The following LOXL2 variants were observed in gnomAD, a reference collection of about 807,000 sequenced individuals.
LOXL2 encodes the protein lysyl oxidase homolog 2.
In LOXL2, 70 loss-of-function variants were observed where a neutral mutation model predicts 93.0. The ratio of observed to expected loss-of-function variants is 0.75; its 90% CI spans 0.62 to 0.92. LOXL2 has a LOEUF of 0.92. LOXL2 is among the 40% of genes least tolerant of loss of function. The pLI is 0.00. For missense variants in LOXL2, 973 were observed against 1,054.9 expected, an observed-to-expected ratio of 0.92 and a Z score of 1.08; for synonymous variants, 438 against 413.2, an observed-to-expected ratio of 1.06 and a Z score of -0.73.
intron 12 of LOXL2, among the ~76,000 whole-genome samples, chr8:23,300,736 T>A (rs1251168332): frequency 6.6e-6 from 1 of 152,206 alleles, no homozygotes; most frequent in Non-Finnish European, 1.5e-5. Context: ...TGCCCCTTCC[T>A]TGGGAGATTA....
chr8:23,300,144 C>T (rs947272588), intron 12 of LOXL2, among the ~76,000 whole-genome samples: 22 of 152,242 alleles, frequency 1.4e-4, no homozygotes, highest in African/African-American at 2.4e-4. Context: ...GCCGCCCAGG[C>T]GTCTCGACAG....
chr8:23,395,201 C>A (rs1800075419), intron 1 of LOXL2, among the ~76,000 whole-genome samples: 1 of 151,804 alleles, frequency 6.6e-6, no homozygotes, highest in Admixed American at 6.6e-5. Context: ...TTGCAGTGAG[C>A]CGAGATGGCG....
chr8:23,323,425 C>A (rs1055168929), intron 6 of LOXL2, among the ~76,000 whole-genome samples: 1 of 152,218 alleles, frequency 6.6e-6, no homozygotes, highest in African/African-American at 2.4e-5. Flanking sequence ...CCTGCACTGT[C>A]CTCTTTCTGC....
At chr8:23,392,740 G>A (rs1039806386) in intron 1 of LOXL2, among the ~76,000 whole-genome samples, 1 of 152,036 alleles carries the variant, frequency 6.6e-6, no homozygotes, top group Admixed American at 6.6e-5. Flanking sequence ...GCCATTTCCT[G>A]TTCTAGAACA....
At chr8:23,347,854 G>A (rs531858218) in intron 3 of LOXL2, among the ~76,000 whole-genome samples, 22 of 152,054 alleles carry the variant, frequency 1.4e-4, no homozygotes, top group Non-Finnish European at 3.1e-4. Context: ...CCATTACTGG[G>A]TATATACCCA....
At chr8:23,360,286 A>C in intron 2 of LOXL2, 21 bp from the exon 3 acceptor site, 1 of 1,576,370 alleles carries the variant, frequency 6.3e-7, no homozygotes, top group South Asian at 1.1e-5. Context: ...CAGAGAGGAG[A>C]GAAACCAAGT....
At chr8:23,370,383 G>A (rs1014801808) in intron 1 of LOXL2, among the ~76,000 whole-genome samples, 2 of 152,016 alleles carry the variant, frequency 1.3e-5, no homozygotes, top group Non-Finnish European at 2.9e-5. Context: ...TTACATTGTT[G>A]TCATGTCTGG....
At chr8:23,317,201 TC>T in intron 8 of LOXL2, 87 bp from the exon 9 acceptor site, 1 of 1,410,210 alleles carries the variant, frequency 7.1e-7, no homozygotes, top group South Asian at 1.2e-5. Flanking sequence ...CTCACAAAAA[TC>T]CCAATGTTTC....
chr8:23,368,010 G>A lies in LOXL2; in HGVS notation c.342C>T (p.Tyr114=), dbSNP rs764704130. ...EAKSWTASSS[Y]GKGEGPIWLD... Reference sequence around the variant, plus strand: ...CAGAGCGTTTACCTTCTCCCTTGCCGTAGGAGGAGCTGGCAGTCCAGGACT... The same window carrying A: ...CAGAGCGTTTACCTTCTCCCTTGCCATAGGAGGAGCTGGCAGTCCAGGACT... The change falls in exon 2 of 14, where the codon TAC becomes TAT. Residue 114 remains tyrosine (Y), a synonymous_variant. Transcript: ENST00000389131. 2.7e-5 allele frequency: 43 copies of A among 1,612,828 alleles called. No homozygotes were observed. Among genetic ancestry groups the A allele is most frequent in the East Asian group, 4.5e-5 (2 of 44,856 alleles).
At chr8:23,396,030 G>C (rs540521237) in intron 1 of LOXL2, among the ~76,000 whole-genome samples, 1 of 152,162 alleles carries the variant, frequency 6.6e-6, no homozygotes, top group South Asian at 2.1e-4. Flanking sequence ...TTCTACTTAA[G>C]AAGAGAGAGA....
In LOXL2 at chr8:23,302,030, G is replaced by A. The variant is rs372322499; in HGVS notation, c.2130C>T (p.Phe710=). ...ITDVPPGDYL[F]QVVINPNFEV... is the part of the protein sequence containing the mutation. Reference sequence around the variant, plus strand: ...AACCCCTTCCCACCCACCTCACCTGGAACAGGTAGTCTCCAGGGGGCACGT... The same window carrying A: ...AACCCCTTCCCACCCACCTCACCTGAAACAGGTAGTCTCCAGGGGGCACGT... The change falls in exon 12 of 14, where the codon TTC becomes TTT. Residue 710 remains phenylalanine, a synonymous_variant. Transcript: ENST00000389131. The A allele has an allele frequency of 6.8e-6, 11 of 1,613,960 alleles. No individual in the cohort carries two copies. The highest frequency in any genetic ancestry group is 4.0e-5 in the African/African-American group (3 of 74,908).
intron 4 of LOXL2, among the ~76,000 whole-genome samples, chr8:23,337,931 G>A (rs139832117): frequency 2.0e-5 from 3 of 152,274 alleles, no homozygotes; most frequent in African/African-American, 7.2e-5. Flanking sequence ...TAACTGGAGG[G>A]TATTAGTCCA....
At position 23,368,070 on chromosome 8, in the gene LOXL2, G is replaced by T; in HGVS notation, c.282C>A (p.His94Gln). ...CGTAGCCCAGCTCCCGGCAGACGAC[G>T]TGGGCAGCGTGGATGGAGAAGTCGT... is the stretch of plus-strand genomic sequence containing the variant. ...CDDDFSIHAA[H>Q]VVCRELGYVE... The change falls in exon 2 of 14, where the codon CAC becomes CAA. Residue 94 changes from histidine to glutamine, a missense_variant. His to Gln is a conservative substitution (Grantham distance 24). Coordinates refer to ENST00000389131, the MANE Select transcript of LOXL2 (RefSeq NM_002318.3). 1 of 1,614,016 alleles carries T rather than the reference G, an allele frequency of 6.2e-7. No homozygotes were observed. Among genetic ancestry groups the T allele is most frequent in the East Asian group, 2.2e-5 (1 of 44,878 alleles).
chr8:23,379,875 C>A (rs1484750236), intron 1 of LOXL2, among the ~76,000 whole-genome samples: 3 of 152,162 alleles, frequency 2.0e-5, no homozygotes, highest in African/African-American at 7.2e-5. Flanking sequence ...TTCCCTGAAC[C>A]CTTGCGCTTC....
chr8:23,330,792 A>G (rs1400571390), intron 5 of LOXL2, among the ~76,000 whole-genome samples: 2 of 124,364 alleles, frequency 1.6e-5, no homozygotes, highest in Non-Finnish European at 3.4e-5. Context: ...ACAGGGGGCA[A>G]GCAGGGTGTG....
Position 23,316,965 on chromosome 8 carries a change from T to TCCGGCC in LOXL2, c.1614_1619dup (p.Ala539_Gly540dup). On this transcript the variant is annotated inframe_insertion, in exon 9 of 14. Coordinates refer to ENST00000389131, the MANE Select transcript of LOXL2 (RefSeq NM_002318.3). ...AGCTCTCACTTTCTGAGCAGGCAAC[T>TCCGGCC]CCGGCCCCGTACTGCACTCCGCCCT... 1 of 1,600,038 alleles carries TCCGGCC rather than the reference T, an allele frequency of 6.2e-7. No homozygotes were observed. The highest frequency in any genetic ancestry group is 8.5e-7 in the Non-Finnish European group (1 of 1,172,264).
chr8:23,362,312 G>C (rs993557448), intron 2 of LOXL2, among the ~76,000 whole-genome samples: 1 of 152,206 alleles, frequency 6.6e-6, no homozygotes, highest in African/African-American at 2.4e-5. Context: ...CCAGGGCCTG[G>C]GATGAGAAAG....
At chr8:23,386,055 A>G in intron 1 of LOXL2, 1 of 765,132 alleles carries the variant, frequency 1.3e-6, no homozygotes, top group South Asian at 1.3e-5. Context: ...CCTAAGGAAA[A>G]ACCGAGAGAC....
At chr8:23,333,969 T>A (rs1225963267) in intron 4 of LOXL2, among the ~76,000 whole-genome samples, 1 of 152,188 alleles carries the variant, frequency 6.6e-6, no homozygotes, top group Non-Finnish European at 1.5e-5. Flanking sequence ...AGATCCCTGG[T>A]CCTAGAAAAC....
Sources: allele counts gnomAD v4.1 joint callset (sites outside exome capture counted in the v4.1 genomes callset), GRCh38; gene constraint gnomAD v4.1.1; transcripts MANE v1.5; gene names NCBI Gene and HGNC (gene_info 2026-07-23, HGNC 2026-07-21).